The following AARS1 variants were observed in gnomAD, a reference collection of about 807,000 sequenced individuals.
AARS1 encodes the protein alanyl-tRNA synthetase 1, also known as alanine--tRNA ligase, cytoplasmic.
In AARS1, 72 loss-of-function variants were observed where a neutral mutation model predicts 108.9. The observed-to-expected ratio is 0.66, with a 90% confidence interval of 0.55 to 0.80. The LOEUF is 0.80. AARS1 is among the 30% of genes least tolerant of loss of function. AARS1 has a pLI of 0.00. For synonymous variants in AARS1, 489 were observed against 465.7 expected, an observed-to-expected ratio of 1.05 and a Z score of -0.64; for missense variants, 1,193 against 1,233.2, an observed-to-expected ratio of 0.97 and a Z score of 0.49.
At chr16:70,288,389 G>T (rs1158806823) in intron 1 of AARS1, among the ~76,000 whole-genome samples, 3 of 151,788 alleles carry the variant, frequency 2.0e-5, no homozygotes, top group Non-Finnish European at 4.4e-5. Context: ...GATTACAGGC[G>T]TGAGCCACCG....
At chr16:70,281,509 TACA>T (rs1960695484) in intron 2 of AARS1, among the ~76,000 whole-genome samples, 1 of 151,972 alleles carries the variant, frequency 6.6e-6, no homozygotes. Context: ...CTACTAAAAA[TACA>T]ACAATTAGCC....
chr16:70,259,155 G>A lies in AARS1; in HGVS notation c.1817C>T (p.Thr606Ile). 6.2e-7 allele frequency: 1 copy of A among 1,614,216 alleles called. No homozygotes were observed. Among genetic ancestry groups the A allele is most frequent in the Non-Finnish European group, 8.5e-7 (1 of 1,180,036 alleles). Residue 606 changes from threonine to isoleucine, a missense_variant, in exon 14 of 21, where the codon ACA (threonine) becomes ATA (isoleucine). Coordinates refer to ENST00000261772, the MANE Select transcript of AARS1 (RefSeq NM_001605.3). The part of the protein sequence containing the change: ...PRRRPIMSNH[T>I]ATHILNFALR... ...GGCGAAGTTCAGAATGTGCGTAGCT[G>A]TGTGGTTGCTCATGATGGGTCTTCG...
At chr16:70,253,520 G>C in intron 19 of AARS1, 139 bp from the exon 20 acceptor site, 1 of 1,024,828 alleles carries the variant, frequency 9.8e-7, no homozygotes, top group East Asian at 2.6e-5. Context: ...CTGTGGGGAG[G>C]ACCCCAGCGC....
intron 11 of AARS1, among the ~76,000 whole-genome samples, chr16:70,263,401 G>A (rs548229283): frequency 7.2e-4 from 109 of 151,974 alleles, no homozygotes; most frequent in Non-Finnish European, 1.3e-3. Context: ...GTGAAACCCC[G>A]TGTCCACTAC....
chr16:70,264,871 G>A (rs1200507909), intron 11 of AARS1, 87 bp downstream of exon 11: 2 of 1,553,844 alleles, frequency 1.3e-6, no homozygotes, highest in Non-Finnish European at 1.8e-6. Flanking sequence ...GCAGTCTGCT[G>A]GAGAGCTAAT....
At position 70,276,618 on chromosome 16, in the gene AARS1, T is replaced by C. The variant is rs772559317; in HGVS notation, c.347A>G (p.Lys116Arg). 2 of 1,614,086 alleles carry C rather than the reference T, an allele frequency of 1.2e-6. No individual in the cohort carries two copies. The highest frequency in any genetic ancestry group is 1.7e-6 in the Non-Finnish European group (2 of 1,180,044). The change falls in exon 4 of 21, where the codon AAG becomes AGG. Residue 116 changes from lysine (K) to arginine (R), a missense_variant. Coordinates refer to ENST00000261772, the MANE Select transcript of AARS1 (RefSeq NM_001605.3). ...TTGGGTGAGGAGTTCCAGAGCCATC[T>C]TACATGCCAATTCCTACAAAAAGAA... ...FGDYFKELAC[K>R]MALELLTQEF...
intron 16 of AARS1, 133 bp downstream of exon 16, chr16:70,255,595 A>AG (rs1959969023): frequency 1.3e-6 from 1 of 774,784 alleles, no homozygotes; most frequent in Non-Finnish European, 2.2e-6. Context: ...ACACTGGGGC[A>AG]GGGGGAGTGG....
intron 4 of AARS1, among the ~76,000 whole-genome samples, chr16:70,274,941 A>G (rs935583315): frequency 2.0e-5 from 3 of 152,028 alleles, no homozygotes; most frequent in South Asian, 4.1e-4. Context: ...AAGTAAAAAA[A>G]AAAAGACTTG....
chr16:70,272,921 C>CACACACACACACACACACACACAT (rs1200665887), intron 4 of AARS1, among the ~76,000 whole-genome samples: 13 of 150,770 alleles, frequency 8.6e-5, no homozygotes, highest in African/African-American at 2.9e-4. Context: ...CACACACACA[C>CACACACACACACACACACACACAT]ACAAAAGATT....
At chr16:70,270,069 G>T in intron 6 of AARS1, 127 bp downstream of exon 6, 1 of 1,189,790 alleles carries the variant, frequency 8.4e-7, no homozygotes, top group Non-Finnish European at 1.2e-6. Flanking sequence ...TAACAATGAA[G>T]TAGGCAGATG....
chr16:70,262,882 G>A (rs1960168009), intron 11 of AARS1, among the ~76,000 whole-genome samples: 1 of 140,396 alleles, frequency 7.1e-6, no homozygotes, highest in East Asian at 2.2e-4. Context: ...GCAGAAGAAT[G>A]GCGTGAACCC....
chr16:70,264,718 A>C (rs1387798854), intron 11 of AARS1, among the ~76,000 whole-genome samples: 1 of 149,606 alleles, frequency 6.7e-6, no homozygotes, highest in Non-Finnish European at 1.5e-5. Context: ...AGGGTGTGAG[A>C]CCCTTCCTAC....
chr16:70,261,634 A>G (rs1289550402), intron 12 of AARS1, among the ~76,000 whole-genome samples: 1 of 150,488 alleles, frequency 6.6e-6, no homozygotes, highest in East Asian at 2.0e-4. Flanking sequence ...ATTTGTGCAC[A>G]CACACAGACA....
chr16:70,283,291 C>A (rs544136456), intron 1 of AARS1, among the ~76,000 whole-genome samples: 1 of 151,518 alleles, frequency 6.6e-6, no homozygotes, highest in African/African-American at 2.4e-5. Context: ...CAGCTACTTG[C>A]GAGACTGAGG....
chr16:70,276,330 G>T, intron 4 of AARS1, 156 bp downstream of exon 4: 1 of 806,714 alleles, frequency 1.2e-6, no homozygotes, highest in Non-Finnish European at 2.0e-6. Flanking sequence ...CACCTCCTGG[G>T]TTCAAGCGAT....
rs536362743 is a variant in AARS1 at position 70,255,071 on chromosome 16, G to A, written c.2287-337C>T. Among the ~76,000 whole-genome samples the A allele has an allele frequency of 3.7e-4, 56 of 152,214 alleles. 1 individual carries two copies. The highest frequency in any genetic ancestry group is 1.9e-4 in the Non-Finnish European group (13 of 67,990). On this transcript the variant is annotated intron_variant, in intron 16 of 20. Coordinates refer to ENST00000261772, the MANE Select transcript of AARS1 (RefSeq NM_001605.3). ...AAAGAGCACCCATCCTCTACTGCACGGCCTCAGACTAAGCACGCCCCTAGG... is the reference window on the plus strand; with the variant it reads ...AAAGAGCACCCATCCTCTACTGCACAGCCTCAGACTAAGCACGCCCCTAGG...
rs567780478 is a variant in AARS1, at chr16:70,284,593, G to A, written c.-21-1809C>T. Among the ~76,000 whole-genome samples the A allele has an allele frequency of 7.8e-4, 118 of 152,164 alleles. 1 individual carries two copies. The highest frequency in any genetic ancestry group is 8.5e-4 in the Non-Finnish European group (58 of 67,996). ...CTCCAGCCTGGGCGACAGAGACCTT[G>A]TGTCAACAAACAAACAAAAACAAAA... On this transcript the variant is annotated intron_variant, in intron 1 of 20. Transcript: ENST00000261772.
rs375625504 is a variant in AARS1, at chr16:70,258,596, C to T, written c.1993-379G>A. On this transcript the variant is annotated intron_variant, in intron 14 of 20. Transcript: ENST00000261772. ...TTTTTTTTTTTTTGAGACGGAGTCT[C>T]GCTCTGTTTCCCAGGCTAGAGTGCA... Among the ~76,000 whole-genome samples the T allele has an allele frequency of 1.2e-4, 18 of 152,000 alleles. 1 individual carries two copies. The South Asian group carries it at 3.3e-3, about 28-fold the overall frequency.
rs1164802341 is a variant in AARS1 at position 70,276,503 on chromosome 16, C to G, written c.462G>C (p.Gln154His). ...ATTCTTACCCCAAATTTTGCCAGAT[C>G]TGTTTGCATTCCAGATCTGCTTCTA... The part of the protein sequence containing the change: ...AGLEADLECK[Q>H]IWQNLGLDDT... Residue 154 changes from glutamine to histidine, a missense_variant, in exon 4 of 21, where the codon CAG becomes CAC. Physicochemically the swap from Gln to His is conservative, Grantham distance 24. Transcript: ENST00000261772. 5.0e-6 allele frequency: 8 copies of G among 1,614,096 alleles called. No individual in the cohort carries two copies. The highest frequency in any genetic ancestry group is 6.8e-6 in the Non-Finnish European group (8 of 1,180,016).
Sources: allele counts gnomAD v4.1 joint callset (sites outside exome capture counted in the v4.1 genomes callset), GRCh38; gene constraint gnomAD v4.1.1; transcripts MANE v1.5; gene names NCBI Gene and HGNC (gene_info 2026-07-23, HGNC 2026-07-21).